TRHDE: variants seen among roughly 807,000 people sequenced by gnomAD.
TRHDE encodes thyrotropin-releasing hormone-degrading ectoenzyme.
Under a neutral mutation model 125.7 loss-of-function variants are expected in TRHDE, and 72 were observed. The observed-to-expected ratio is 0.57, with a 90% CI of 0.47 to 0.70. TRHDE has a LOEUF of 0.70. Ranked by LOEUF, TRHDE falls within the 30% of genes least tolerant of loss-of-function variation. TRHDE has a pLI of 0.00. For missense variants in TRHDE, 1,110 were observed against 1,327.1 expected, an observed-to-expected ratio of 0.84 and a Z score of 2.54; for synonymous variants, 509 against 509.1, an observed-to-expected ratio of 1.00 and a Z score of 0.00.
At chr12:72,198,230 G>A (rs549082123) in intron 2 of TRHDE, among the ~76,000 whole-genome samples, 1 of 151,914 alleles carries the variant, frequency 6.6e-6, no homozygotes, top group Non-Finnish European at 1.5e-5. Context: ...CATTTGGGTT[G>A]TTTTTCCTTT....
At chr12:72,537,767 A>G (rs1592521501) in intron 6 of TRHDE, among the ~76,000 whole-genome samples, 2 of 152,050 alleles carry the variant, frequency 1.3e-5, no homozygotes, top group East Asian at 3.9e-4. Context: ...ATGGTCCATC[A>G]CTTGTTCAAT....
intron 3 of TRHDE, among the ~76,000 whole-genome samples, chr12:72,407,043 C>G (rs973171357): frequency 6.6e-6 from 1 of 152,086 alleles, no homozygotes; most frequent in Non-Finnish European, 1.5e-5. Context: ...GTGATCAAGG[C>G]CTTAAAGAAT....
chr12:72,206,677 C>G (rs1877672785), intron 2 of TRHDE, among the ~76,000 whole-genome samples: 1 of 151,926 alleles, frequency 6.6e-6, no homozygotes, highest in African/African-American at 2.4e-5. Context: ...TATCCCTTTT[C>G]CCATGGAATT....
At chr12:72,118,206 G>T (rs1014358845) in intron 2 of TRHDE, among the ~76,000 whole-genome samples, 1 of 151,716 alleles carries the variant, frequency 6.6e-6, no homozygotes, top group South Asian at 2.1e-4. Context: ...GACTTTTATT[G>T]TGTTGAGGTA....
chr12:72,487,983 A>G (rs1449553129), intron 5 of TRHDE, among the ~76,000 whole-genome samples: 2 of 151,918 alleles, frequency 1.3e-5, no homozygotes, highest in Admixed American at 6.6e-5. Context: ...TTTAAGCCTC[A>G]TGACAACCAC....
intron 6 of TRHDE, among the ~76,000 whole-genome samples, chr12:72,517,879 T>C (rs1157739784): frequency 1.3e-5 from 2 of 152,086 alleles, no homozygotes; most frequent in Admixed American, 6.5e-5. Context: ...AACATCTTTA[T>C]TTCTGCCTTC....
At chr12:72,202,473 A>G (rs1877579317) in intron 2 of TRHDE, among the ~76,000 whole-genome samples, 1 of 152,100 alleles carries the variant, frequency 6.6e-6, no homozygotes, top group Non-Finnish European at 1.5e-5. Context: ...GTCAAACACT[A>G]TTTTCCTATT....
chr12:72,575,440 C>A, intron 11 of TRHDE, 47 bp from the exon 12 acceptor site: 1 of 1,613,156 alleles, frequency 6.2e-7, no homozygotes, highest in Non-Finnish European at 8.5e-7. Flanking sequence ...TGAACACCTA[C>A]CATTTTAATC....
chr12:72,629,077 A>G (rs1873372437), intron 15 of TRHDE, among the ~76,000 whole-genome samples: 1 of 151,850 alleles, frequency 6.6e-6, no homozygotes, highest in Non-Finnish European at 1.5e-5. Context: ...CAGCTAATAT[A>G]ACTCCAGTGA....
upstream of TRHDE, among the ~76,000 whole-genome samples, chr12:72,269,124 C>T (rs918057080): frequency 6.6e-6 from 1 of 151,902 alleles, no homozygotes; most frequent in Non-Finnish European, 1.5e-5. Flanking sequence ...CACCCCCCCA[C>T]TTTTGCTTTG....
intron 2 of TRHDE, among the ~76,000 whole-genome samples, chr12:72,147,276 A>G (rs1168696966): frequency 1.3e-5 from 2 of 152,202 alleles, no homozygotes; most frequent in Middle Eastern, 3.4e-3. Context: ...TCTTGTCCCT[A>G]TCATTACCTG....
At chr12:72,655,436 C>G (rs1425175546) in intron 17 of TRHDE, among the ~76,000 whole-genome samples, 1 of 152,048 alleles carries the variant, frequency 6.6e-6, no homozygotes, top group East Asian at 1.9e-4. Flanking sequence ...TTTCACGTCT[C>G]TTTTTCTTTG....
At chr12:72,502,904 G>A (rs1408557249) in intron 6 of TRHDE, among the ~76,000 whole-genome samples, 1 of 152,134 alleles carries the variant, frequency 6.6e-6, no homozygotes, top group African/African-American at 2.4e-5. Context: ...TGAAATTTCA[G>A]GGACTTCATT....
At chr12:72,173,397 T>G (rs924485942) in intron 2 of TRHDE, among the ~76,000 whole-genome samples, 1 of 152,152 alleles carries the variant, frequency 6.6e-6, no homozygotes, top group South Asian at 2.1e-4. Flanking sequence ...TAGAGAGAAA[T>G]GGCACAATTT....
At chr12:72,432,781 TTTTC>T (rs1874553291) in intron 3 of TRHDE, among the ~76,000 whole-genome samples, 1 of 152,140 alleles carries the variant, frequency 6.6e-6, no homozygotes. Context: ...TAGGGACAGT[TTTTC>T]TTTCTAATAC....
chr12:72,612,596 A>G (rs1256326007), intron 12 of TRHDE, among the ~76,000 whole-genome samples: 1 of 152,192 alleles, frequency 6.6e-6, no homozygotes. Context: ...TTCTCTCAAA[A>G]TAATGGGCAT....
intron 2 of TRHDE, among the ~76,000 whole-genome samples, chr12:72,136,572 T>C (rs936768364): frequency 2.6e-5 from 4 of 152,234 alleles, no homozygotes; most frequent in African/African-American, 4.8e-5. Context: ...CATAATGTTG[T>C]TAATCATAGT....
chr12:72,224,640 A>G (rs1215897943), intron 2 of TRHDE, among the ~76,000 whole-genome samples: 1 of 152,078 alleles, frequency 6.6e-6, no homozygotes, highest in Admixed American at 6.6e-5. Context: ...TTTTCTTCAC[A>G]CTGGGGGTTC....
In TRHDE at chr12:72,562,751, A is replaced by G. The variant is rs1223790370; in HGVS notation, c.1855-102A>G. 3.6e-5 allele frequency: 27 copies of G among 740,512 alleles called. No homozygotes were observed. The East Asian group carries it at 8.1e-4, about 22-fold the overall frequency. 45.9% of individuals were successfully genotyped at this position (740,512 alleles called of 1,614,324 possible). A position where few individuals can be genotyped will look rare whatever the true frequency, so the allele number is the denominator to read the frequency against. On this transcript the variant is annotated intron_variant, in intron 8 of 18. Coordinates refer to ENST00000261180, the MANE Select transcript of TRHDE (RefSeq NM_013381.3). Reference sequence around the variant, plus strand: ...GGCTTCAATGACTTTAAATGTTTTCATATTTAGGTAAATAGTAAAAATAGA... The same window carrying G: ...GGCTTCAATGACTTTAAATGTTTTCGTATTTAGGTAAATAGTAAAAATAGA...
Sources: gnomAD v4.1 joint callset for allele counts (sites outside exome capture counted in the v4.1 genomes callset) on GRCh38, gnomAD v4.1.1 for gene constraint, MANE v1.5 for transcripts, NCBI Gene and HGNC (gene_info 2026-07-23, HGNC 2026-07-21) for gene names.